The following CNTN4 variants were observed in gnomAD, a reference collection of about 807,000 sequenced individuals.
CNTN4 encodes the protein contactin 4, also known as contactin-4.
Under a neutral mutation model 122.5 loss-of-function variants are expected in CNTN4, and 77 were observed. That is an observed-to-expected ratio of 0.63 (90% confidence interval 0.52 to 0.76). The LOEUF (loss-of-function observed/expected upper bound fraction) is 0.76. Ranked by LOEUF, CNTN4 falls within the 30% of genes least tolerant of loss-of-function variation. The probability of loss-of-function intolerance (pLI) is 0.00; values close to 1 mark genes in which losing one functional copy is unlikely to be tolerated. For synonymous variants in CNTN4, 512 were observed against 447.0 expected (o/e 1.15, Z -1.83); for missense variants, 1,256 against 1,259.1 (o/e 1.00, Z 0.04).
chr3:2,473,795 T>C (rs1316669857), intron 3 of CNTN4, among the ~76,000 whole-genome samples: 1 of 152,032 alleles, frequency 6.6e-6, no homozygotes, highest in Non-Finnish European at 1.5e-5. Context: ...GGCGGATCAC[T>C]TGAGGTCTGG....
intron 4 of CNTN4, among the ~76,000 whole-genome samples, chr3:2,676,767 T>A (rs2084869066): frequency 6.6e-6 from 1 of 152,232 alleles, no homozygotes; most frequent in African/African-American, 2.4e-5. Context: ...TATACTGTTT[T>A]CAAGTTCTTT....
chr3:2,589,907 G>T (rs779924837), intron 4 of CNTN4, among the ~76,000 whole-genome samples: 1 of 152,182 alleles, frequency 6.6e-6, no homozygotes, highest in Admixed American at 6.5e-5. Context: ...AAGCCAAGTG[G>T]CTTGTTGCAG....
intron 13 of CNTN4, among the ~76,000 whole-genome samples, chr3:2,987,943 A>G (rs535926869): frequency 2.6e-5 from 4 of 152,246 alleles, no homozygotes; most frequent in Non-Finnish European, 5.9e-5. Context: ...AACACTTTCA[A>G]TGAAAAGACT....
At chr3:2,566,785 G>A (rs2079179564) in intron 3 of CNTN4, among the ~76,000 whole-genome samples, 1 of 152,318 alleles carries the variant, frequency 6.6e-6, no homozygotes, top group Non-Finnish European at 1.5e-5. Flanking sequence ...CCCAAAGTGA[G>A]GTAATTTGTA....
chr3:2,736,589 G>A (rs144021455), intron 5 of CNTN4, among the ~76,000 whole-genome samples: 2,477 of 151,000 alleles, frequency 0.016, 61 homozygotes, highest in African/African-American at 0.057. Context: ...TCAGCCTCCC[G>A]AGTAGCTGGA....
intron 6 of CNTN4, among the ~76,000 whole-genome samples, chr3:2,766,722 C>A (rs181307567): frequency 6.6e-6 from 1 of 152,084 alleles, no homozygotes; most frequent in Non-Finnish European, 1.5e-5. Flanking sequence ...CCAAATACCC[C>A]CTGTTCCCCC....
chr3:2,378,874 A>G (rs1454401285), intron 3 of CNTN4, among the ~76,000 whole-genome samples: 1 of 152,014 alleles, frequency 6.6e-6, no homozygotes, highest in Admixed American at 6.6e-5. Context: ...TCCCTTTACT[A>G]CTGGTATTAG....
intron 3 of CNTN4, among the ~76,000 whole-genome samples, chr3:2,561,727 A>G (rs2149430088): frequency 6.6e-6 from 1 of 152,336 alleles, no homozygotes; most frequent in East Asian, 1.9e-4. Flanking sequence ...GACTTGCCCA[A>G]GAACAACAGC....
intron 3 of CNTN4, among the ~76,000 whole-genome samples, chr3:2,369,043 G>C (rs1388775700): frequency 6.6e-6 from 1 of 151,996 alleles, no homozygotes; most frequent in Non-Finnish European, 1.5e-5. Flanking sequence ...TCCTGCCTCA[G>C]CTCCCGAGTA....
chr3:2,388,148 G>T (rs1279710888), intron 3 of CNTN4, among the ~76,000 whole-genome samples: 1 of 152,222 alleles, frequency 6.6e-6, no homozygotes, highest in Non-Finnish European at 1.5e-5. Flanking sequence ...GGTCCTTCAA[G>T]TGGGGAAGTT....
intron 2 of CNTN4, among the ~76,000 whole-genome samples, chr3:2,120,351 T>TTATATATATATATATATATA (rs1222126807): frequency 6.5e-5 from 3 of 45,980 alleles, no homozygotes; most frequent in Non-Finnish European, 1.5e-4. Flanking sequence ...GGCATTTAGG[T>TTATATATATATATATATATA]TATATATATA....
At chr3:2,406,762 T>C (rs549430664) in intron 3 of CNTN4, among the ~76,000 whole-genome samples, 76 of 152,278 alleles carry the variant, frequency 5.0e-4, no homozygotes, top group African/African-American at 1.7e-3. Context: ...AGAGAGACAA[T>C]GTAGCCTCAT....
At chr3:2,497,033 G>C (rs980357564) in intron 3 of CNTN4, among the ~76,000 whole-genome samples, 1 of 152,122 alleles carries the variant, frequency 6.6e-6, no homozygotes, top group African/African-American at 2.4e-5. Context: ...CAAGGACCCA[G>C]GTGATGCCTG....
At chr3:2,451,461 A>C (rs977161921) in intron 3 of CNTN4, among the ~76,000 whole-genome samples, 1 of 140,980 alleles carries the variant, frequency 7.1e-6, no homozygotes. Flanking sequence ...AAAAAAAAAA[A>C]GAAAAGACAA....
intron 4 of CNTN4, among the ~76,000 whole-genome samples, chr3:2,658,504 C>G (rs1487778917): frequency 6.6e-6 from 1 of 152,138 alleles, no homozygotes; most frequent in African/African-American, 2.4e-5. Context: ...AGAGGTAATA[C>G]GATTTACTGA....
At chr3:3,026,428 G>C in intron 15 of CNTN4, 151 bp downstream of exon 15, 2 of 714,408 alleles carry the variant, frequency 2.8e-6, no homozygotes, top group East Asian at 5.4e-5. Context: ...AATAAATGTG[G>C]CATCACTCAT....
At chr3:2,627,642 C>CAT (rs2082251684) in intron 4 of CNTN4, among the ~76,000 whole-genome samples, 1 of 151,724 alleles carries the variant, frequency 6.6e-6, no homozygotes, top group Admixed American at 6.6e-5. Context: ...TACAGGTGCC[C>CAT]GCCACCACGC....
chr3:2,810,269 T>A (rs370336073), intron 6 of CNTN4, among the ~76,000 whole-genome samples: 1 of 152,166 alleles, frequency 6.6e-6, no homozygotes, highest in African/African-American at 2.4e-5. Flanking sequence ...AATTGAGAAA[T>A]TGTGTCATTT....
chr3:2,256,370 G>A (rs928245999), intron 2 of CNTN4, among the ~76,000 whole-genome samples: 2 of 152,244 alleles, frequency 1.3e-5, no homozygotes, highest in African/African-American at 4.8e-5. Flanking sequence ...GTACAAAGAG[G>A]AACTGGTATC....
Sources: allele counts gnomAD v4.1 joint callset (sites outside exome capture counted in the v4.1 genomes callset), GRCh38; gene constraint gnomAD v4.1.1; transcripts MANE v1.5; gene names NCBI Gene and HGNC (gene_info 2026-07-23, HGNC 2026-07-21).